The following SCGB2B2 variants were observed in gnomAD, a reference collection of about 807,000 sequenced individuals.
SCGB2B2 encodes the protein secretoglobin family 2B member 2, also known as secretoglobin-like protein.
A neutral mutation model predicts 7.6 loss-of-function variants in SCGB2B2; 11 were observed. That is an observed-to-expected ratio of 1.45 (90% confidence interval 0.91 to 2.40). The LOEUF (loss-of-function observed/expected upper bound fraction) is 2.40, where lower values mean the gene tolerates loss of function less well. Ranked by LOEUF, SCGB2B2 falls within the 30% of genes most tolerant of loss-of-function variation. The pLI is 0.00. For missense variants in SCGB2B2, 104 were observed against 115.4 expected (o/e 0.90, Z 0.45); for synonymous variants, 50 against 48.6 (o/e 1.03, Z -0.12).
chr19:34,639,358 T>C (rs2066777524), intron 1 of SCGB2B2, among the ~76,000 whole-genome samples: 1 of 152,214 alleles, frequency 6.6e-6, no homozygotes, highest in South Asian at 2.1e-4. Flanking sequence ...CTGGAAACAA[T>C]ATCCTAACCT....
At chr19:34,618,847 C>CAGAT (rs1337545842) in intron 1 of SCGB2B2, among the ~76,000 whole-genome samples, 1 of 152,164 alleles carries the variant, frequency 6.6e-6, no homozygotes, top group African/African-American at 2.4e-5. Flanking sequence ...GATAGAGCTG[C>CAGAT]AGATAGTGTC....
chr19:34,661,462 G>A (rs950370483), intron 1 of SCGB2B2, among the ~76,000 whole-genome samples: 2 of 152,176 alleles, frequency 1.3e-5, no homozygotes, highest in Non-Finnish European at 2.9e-5. Context: ...CTAAACATCT[G>A]GCACTGTAGA....
At chr19:34,601,724 C>G (rs563208876) in intron 1 of SCGB2B2, among the ~76,000 whole-genome samples, 1 of 152,172 alleles carries the variant, frequency 6.6e-6, no homozygotes, top group Non-Finnish European at 1.5e-5. Context: ...TGTAGATGCT[C>G]TAAGACTATA....
intron 1 of SCGB2B2, among the ~76,000 whole-genome samples, chr19:34,604,720 T>C (rs1012396499): frequency 5.3e-5 from 8 of 151,836 alleles, no homozygotes; most frequent in Non-Finnish European, 1.0e-4. Flanking sequence ...ATCTACTTTA[T>C]ACTCTAATAC....
intron 1 of SCGB2B2, among the ~76,000 whole-genome samples, chr19:34,643,459 T>G (rs1038523095): frequency 6.6e-6 from 1 of 152,204 alleles, no homozygotes; most frequent in South Asian, 2.1e-4. Flanking sequence ...GGTTAACGCA[T>G]GAAAGCCTAC....
chr19:34,633,105 T>C (rs1311306645), intron 1 of SCGB2B2: 1 of 152,340 alleles, frequency 6.6e-6, no homozygotes, highest in East Asian at 1.9e-4. Flanking sequence ...GTTTTCCCCT[T>C]GCTCCTGCCT....
intron 1 of SCGB2B2, among the ~76,000 whole-genome samples, chr19:34,616,186 T>A (rs983038943): frequency 2.7e-5 from 4 of 150,682 alleles, no homozygotes; most frequent in African/African-American, 9.8e-5. Context: ...TAATTTATAG[T>A]CCTTTGGGTA....
At position 34,663,297 on chromosome 19, in the gene SCGB2B2, G is replaced by A. The variant is rs544406092; in HGVS notation, c.-2032+12333C>T. Among the ~76,000 whole-genome samples, 6 of 152,378 alleles carry A rather than the reference G, an allele frequency of 3.9e-5. No homozygotes were observed. In the South Asian group the frequency reaches 1.2e-3, roughly 32 times the overall value. On this transcript the variant is annotated intron_variant, in intron 1 of 3. Transcript: ENST00000601241. ...GGCACAAACCCTAACAAATGTGAAT[G>A]TAAATGTGTGCCAGGACATCCACAC...
At position 34,614,861 on chromosome 19, in the gene SCGB2B2, TC is replaced by T. The variant is rs1263616387; in HGVS notation, c.-2031-18268del. Among the ~76,000 whole-genome samples, 3 of 152,356 alleles carry T rather than the reference TC, an allele frequency of 2.0e-5. No individual in the cohort carries two copies. The East Asian group carries it at 5.8e-4, about 29-fold the overall frequency. ...ATAGTGGTATGGTCTACATGTAGTT[TC>T]CTTATCTGTGTTGAATGTTATCAAT... On this transcript the variant is annotated intron_variant, in intron 1 of 3. Transcript: ENST00000601241.
At chr19:34,641,411 C>T (rs1568438431) in intron 1 of SCGB2B2, among the ~76,000 whole-genome samples, 1 of 152,172 alleles carries the variant, frequency 6.6e-6, no homozygotes, top group East Asian at 1.9e-4. Flanking sequence ...ACAATGGTGA[C>T]AGACAGTGTC....
chr19:34,654,676 C>T lies in SCGB2B2; in HGVS notation c.-2032+20954G>A, dbSNP rs371475791. Among the ~76,000 whole-genome samples, 46 of 150,724 alleles carry T rather than the reference C, an allele frequency of 3.1e-4. 6 individuals carry two copies. Among genetic ancestry groups the T allele is most frequent in the African/African-American group, 1.1e-3 (45 of 40,138 alleles). ...CTCCACCTAGATTCACCAGCTGTTC[C>T]TGTGGCCCCACCCAGAAGGAACTGC... On this transcript the variant is annotated intron_variant, in intron 1 of 3. Coordinates refer to ENST00000601241, the MANE Select transcript of SCGB2B2 (RefSeq NM_001025591.4).
intron 1 of SCGB2B2, among the ~76,000 whole-genome samples, chr19:34,668,624 C>G (rs906303581): frequency 6.6e-6 from 1 of 152,230 alleles, no homozygotes; most frequent in South Asian, 2.1e-4. Context: ...CTGGTGGGGA[C>G]TTGGAGAACC....
rs1338706742 is a variant in SCGB2B2 at position 34,595,639 on chromosome 19, C to G, written c.-1076G>C. On this transcript the variant is annotated 5_prime_UTR_variant, in exon 2 of 4. Coordinates refer to ENST00000601241, the MANE Select transcript of SCGB2B2 (RefSeq NM_001025591.4). ...ATTAGGAGGCTTTCCTCCTCAGAGG[C>G]CTTTTGTGGCTTTCCACAACTTATT... The G allele has an allele frequency of 6.6e-6, 1 of 152,264 alleles. No homozygotes were observed. Among genetic ancestry groups the G allele is most frequent in the East Asian group, 1.9e-4 (1 of 5,194 alleles). The allele number at this position is 152,264 out of a possible 1,614,324, so 9.4% of individuals were successfully genotyped here.
At chr19:34,626,617 C>T (rs1018883413) in intron 1 of SCGB2B2, among the ~76,000 whole-genome samples, 1 of 151,960 alleles carries the variant, frequency 6.6e-6, no homozygotes, top group Non-Finnish European at 1.5e-5. Context: ...GTGAAAAGAC[C>T]AAATCTATGT....
At chr19:34,643,675 C>T (rs10411245) in intron 1 of SCGB2B2, among the ~76,000 whole-genome samples, 60,712 of 151,900 alleles carry the variant, frequency 0.4, 13,155 homozygotes, top group Middle Eastern at 0.61. Context: ...CAAAATACCT[C>T]ATGTACTCCA....
At chr19:34,602,053 C>T (rs1027665139) in intron 1 of SCGB2B2, among the ~76,000 whole-genome samples, 1 of 152,114 alleles carries the variant, frequency 6.6e-6, no homozygotes, top group African/African-American at 2.4e-5. Context: ...TTCACCATTA[C>T]ATAGGAAGTT....
At chr19:34,651,799 A>G (rs2067167305) in intron 1 of SCGB2B2, among the ~76,000 whole-genome samples, 1 of 151,376 alleles carries the variant, frequency 6.6e-6, no homozygotes, top group Admixed American at 6.6e-5. Context: ...ATATGAAACT[A>G]CAAAAGACTC....
Position 34,594,723 on chromosome 19 carries a change from T to G in SCGB2B2, c.-160A>C, listed in dbSNP as rs2145740400. On this transcript the variant is annotated 5_prime_UTR_variant, in exon 2 of 4. Coordinates refer to ENST00000601241, the MANE Select transcript of SCGB2B2 (RefSeq NM_001025591.4). ...TGTGTGAATGTGGTCAGGGCAGGTCTGCAGAGAGACCCTCGGCCCTGGGCC... is the reference window on the plus strand; with the variant it reads ...TGTGTGAATGTGGTCAGGGCAGGTCGGCAGAGAGACCCTCGGCCCTGGGCC... 3 of 697,008 alleles carry G rather than the reference T, an allele frequency of 4.3e-6. No homozygotes were observed. In the South Asian group the frequency reaches 5.1e-5, roughly 12 times the overall value. 43.2% of individuals were successfully genotyped at this position (697,008 alleles called of 1,614,324 possible).
intron 1 of SCGB2B2, among the ~76,000 whole-genome samples, chr19:34,602,205 T>C (rs1406860101): frequency 1.3e-5 from 2 of 152,224 alleles, no homozygotes; most frequent in Non-Finnish European, 2.9e-5. Flanking sequence ...AAAATGTGCA[T>C]ATAGTTTTTT....
Sources: allele counts gnomAD v4.1 joint callset (sites outside exome capture counted in the v4.1 genomes callset), GRCh38; gene constraint gnomAD v4.1.1; transcripts MANE v1.5; gene names NCBI Gene and HGNC (gene_info 2026-07-23, HGNC 2026-07-21).